The following OVCH1 variants were observed in gnomAD, a reference collection of about 807,000 sequenced individuals.
The protein encoded by OVCH1 is ovochymase 1.
A neutral mutation model predicts 138.4 loss-of-function variants in OVCH1; 139 were observed. The ratio of observed to expected loss-of-function variants is 1.00; its 90% CI spans 0.87 to 1.16. OVCH1 has a LOEUF of 1.16. OVCH1 is among the 50% of genes most tolerant of loss of function. The probability of loss-of-function intolerance (pLI) is 0.00; values close to 1 mark genes in which losing one functional copy is unlikely to be tolerated. For synonymous variants in OVCH1, 453 were observed against 467.8 expected, an observed-to-expected ratio of 0.97 and a Z score of 0.41; for missense variants, 1,367 against 1,357.9, an observed-to-expected ratio of 1.01 and a Z score of -0.11.
chr12:29,471,808 A>C, exon 16 of OVCH1: 1 of 1,609,604 alleles, frequency 6.2e-7, no homozygotes, highest in East Asian at 2.2e-5. Context: ...TCACAATTGC[A>C]CACAGTGGGC....
intron 16 of OVCH1, among the ~76,000 whole-genome samples, chr12:29,469,142 T>C (rs1942418175): frequency 1.3e-5 from 2 of 152,102 alleles, no homozygotes; most frequent in Non-Finnish European, 2.9e-5. Flanking sequence ...AAAGTAAGTA[T>C]GGAAAGGGGG....
chr12:29,437,910 G>T (rs1941394274), intron 26 of OVCH1, among the ~76,000 whole-genome samples: 1 of 152,088 alleles, frequency 6.6e-6, no homozygotes, highest in Non-Finnish European at 1.5e-5. Flanking sequence ...AAGGTATCTA[G>T]GTTCTATAAA....
At chr12:29,469,363 A>G (rs1309584406) in intron 16 of OVCH1, among the ~76,000 whole-genome samples, 1 of 152,122 alleles carries the variant, frequency 6.6e-6, no homozygotes, top group Non-Finnish European at 1.5e-5. Flanking sequence ...GGACATAGGG[A>G]TGTTCTACAA....
chr12:29,462,101 A>G (rs1942157588), intron 18 of OVCH1, 93 bp from the exon 19 acceptor site: 7 of 1,367,746 alleles, frequency 5.1e-6, no homozygotes, highest in Non-Finnish European at 6.0e-6. Context: ...CTCTGTACCA[A>G]CATAGCTGAA....
chr12:29,449,169 T>A (rs1235464735), intron 22 of OVCH1, among the ~76,000 whole-genome samples: 6 of 152,072 alleles, frequency 3.9e-5, no homozygotes, highest in Non-Finnish European at 5.9e-5. Context: ...GCTCTATTTT[T>A]AACCATCTTC....
At chr12:29,412,080 G>A (rs575545833), downstream of OVCH1, among the ~76,000 whole-genome samples, 11 of 152,050 alleles carry the variant, frequency 7.2e-5, no homozygotes, top group South Asian at 6.2e-4. Flanking sequence ...AGCAATCAGC[G>A]AGACTCCATG....
intron 27 of OVCH1, among the ~76,000 whole-genome samples, chr12:29,429,194 A>T (rs1941228213): frequency 6.6e-6 from 1 of 152,224 alleles, no homozygotes. Flanking sequence ...ATACATTTTC[A>T]AAAAAGTTAC....
At chr12:29,468,245 C>G (rs768754292) in intron 16 of OVCH1, among the ~76,000 whole-genome samples, 1 of 152,114 alleles carries the variant, frequency 6.6e-6, no homozygotes, top group Non-Finnish European at 1.5e-5. Flanking sequence ...GTAGTTTAAG[C>G]TCTTGCTTGA....
At chr12:29,444,301 G>A in intron 23 of OVCH1, 21 bp from the exon 24 acceptor site, 1 of 1,607,102 alleles carries the variant, frequency 6.2e-7, no homozygotes, top group Non-Finnish European at 8.5e-7. Context: ...AGGAAGCAGA[G>A]AAAATGAGAA....
In OVCH1 at chr12:29,431,272, C is replaced by CA. The variant is rs1200872290; in HGVS notation, c.3327+2478dup. ...GGTAACAGCAAGACCTCGTCTCTAC[C>CA]AAAAAAAACAAAAGTGCTAGCCAGG... On this transcript the variant is annotated intron_variant, in intron 27 of 27. Transcript: ENST00000318184. Among the ~76,000 whole-genome samples, 156 of 151,116 alleles carry CA rather than the reference C, an allele frequency of 1.0e-3. 2 individuals carry two copies. Among genetic ancestry groups the CA allele is most frequent in the South Asian group, 2.9e-3 (14 of 4,756 alleles).
intron 26 of OVCH1, among the ~76,000 whole-genome samples, chr12:29,437,854 CAG>C (rs1565570449): frequency 6.6e-6 from 1 of 152,120 alleles, no homozygotes; most frequent in African/African-American, 2.4e-5. Flanking sequence ...AAGTGGAAAA[CAG>C]AAGGCACAGG....
chr12:29,483,238 C>CCCTAGAGGT (rs150892780), intron 8 of OVCH1, among the ~76,000 whole-genome samples: 15,194 of 152,028 alleles, frequency 0.1, 1,032 homozygotes, highest in Non-Finnish European at 0.16. Context: ...AAACATTGTA[C>CCCTAGAGGT]CCTAGAGGTC....
chr12:29,424,329 G>A (rs1476044012), downstream of OVCH1, among the ~76,000 whole-genome samples: 1 of 152,202 alleles, frequency 6.6e-6, no homozygotes, highest in Non-Finnish European at 1.5e-5. Context: ...GGTGGGCCAG[G>A]TGTTCCTTGC....
chr12:29,455,002 G>C (rs559900990), intron 20 of OVCH1, 69 bp from the exon 21 acceptor site: 201 of 1,324,720 alleles, frequency 1.5e-4, no homozygotes. Flanking sequence ...GGGCACTAAA[G>C]CAGCCACTAT....
At chr12:29,467,035 G>A (rs1268124801) in intron 16 of OVCH1, among the ~76,000 whole-genome samples, 1 of 152,070 alleles carries the variant, frequency 6.6e-6, no homozygotes, top group African/African-American at 2.4e-5. Flanking sequence ...ACTTACTCAT[G>A]TGTTTCAATA....
At chr12:29,460,657 C>T (rs530015871) in intron 19 of OVCH1, among the ~76,000 whole-genome samples, 27 of 152,142 alleles carry the variant, frequency 1.8e-4, no homozygotes, top group Non-Finnish European at 3.5e-4. Context: ...AAATTCACCA[C>T]GTGTATTTAG....
chr12:29,417,326 G>A (rs1215523040), intron 3 of OVCH1, among the ~76,000 whole-genome samples: 3 of 151,940 alleles, frequency 2.0e-5, no homozygotes, highest in African/African-American at 7.3e-5. Context: ...AGCCAGGCAT[G>A]GTGGCATGCA....
At chr12:29,480,016 G>A (rs1942878756) in intron 8 of OVCH1, among the ~76,000 whole-genome samples, 1 of 151,676 alleles carries the variant, frequency 6.6e-6, no homozygotes, top group Non-Finnish European at 1.5e-5. Context: ...TAGAGACAGG[G>A]TTTCACCATA....
chr12:29,483,335 G>A (rs1942993699), intron 8 of OVCH1, among the ~76,000 whole-genome samples: 1 of 152,156 alleles, frequency 6.6e-6, no homozygotes, highest in Non-Finnish European at 1.5e-5. Flanking sequence ...GGTGGCAAAA[G>A]CTTTATTGGC....
Sources: allele counts gnomAD v4.1 joint callset (sites outside exome capture counted in the v4.1 genomes callset), GRCh38; gene constraint gnomAD v4.1.1; transcripts MANE v1.5; gene names NCBI Gene and HGNC (gene_info 2026-07-23, HGNC 2026-07-21).